TMEM65: variants seen among roughly 807,000 people sequenced by gnomAD.
TMEM65 encodes transmembrane protein 65.
Under a neutral mutation model 25.4 loss-of-function variants are expected in TMEM65, and 22 were observed. That is an observed-to-expected ratio of 0.86 (90% CI 0.62 to 1.23). The LOEUF (loss-of-function observed/expected upper bound fraction) is 1.23. Among genes scored for constraint, TMEM65 ranks in the 50% most tolerant of loss-of-function variants. The pLI is 0.00. For synonymous variants in TMEM65, 132 were observed against 126.2 expected (o/e 1.05, Z -0.31); for missense variants, 262 against 308.2 (o/e 0.85, Z 1.12).
rs1033854053 is a variant in TMEM65, at chr8:124,307,515, T to C, written c.*6445A>G. On this transcript the variant is annotated 3_prime_UTR_variant, in exon 7 of 7. Transcript: ENST00000297632. ...TCTATACCAGCAAACCTTACACTTT[T>C]TGTGATATACCTTTTTATCTCGTAT... 1 of 152,134 alleles carries C rather than the reference T, an allele frequency of 6.6e-6. No homozygotes were observed. The allele number at this position is 152,134 out of a possible 1,614,324, so 9.4% of individuals were successfully genotyped here.
chr8:124,312,227 C>A lies in TMEM65; in HGVS notation c.*1733G>T, dbSNP rs117221313. The stretch of plus-strand genomic sequence containing the variant: ...GTGGTTATTATATGGAAGATACAAA[C>A]CGAAATTCTATTTAAGATCTCAAGT... On this transcript the variant is annotated 3_prime_UTR_variant, in exon 7 of 7. Coordinates refer to ENST00000297632, the MANE Select transcript of TMEM65 (RefSeq NM_194291.3). The A allele has an allele frequency of 1.3e-5, 2 of 149,900 alleles. No homozygotes were observed. The highest frequency in any genetic ancestry group is 4.9e-5 in the African/African-American group (2 of 40,740). The allele number at this position is 149,900 out of a possible 1,614,324, so 9.3% of individuals were successfully genotyped here.
chr8:124,368,291 T>C (rs1814967579), intron 1 of TMEM65, among the ~76,000 whole-genome samples: 1 of 151,742 alleles, frequency 6.6e-6, no homozygotes, highest in Non-Finnish European at 1.5e-5. Context: ...AGAGGCTCCT[T>C]TTTTCAAAAC....
At chr8:124,366,326 T>C (rs990446611) in intron 1 of TMEM65, among the ~76,000 whole-genome samples, 6 of 152,228 alleles carry the variant, frequency 3.9e-5, no homozygotes, top group Admixed American at 6.5e-5. Context: ...CATGCTAACA[T>C]TGTCATGCTG....
Position 124,330,800 on chromosome 8 carries a change from G to A in TMEM65, c.305-8C>T. On this transcript the variant is annotated splice_polypyrimidine_tract_variant and splice_region_variant and intron_variant, in intron 1 of 6. Transcript: ENST00000297632. ...GTGGAGCTTCCAATTTTTCTAAAGG[G>A]GAGAAAAAGGATGTGGGGCAAGAAT... is the stretch of plus-strand genomic sequence containing the variant. The A allele has an allele frequency of 6.3e-7, 1 of 1,577,614 alleles. No individual in the cohort carries two copies. The highest frequency in any genetic ancestry group is 8.6e-7 in the Non-Finnish European group (1 of 1,166,200).
At chr8:124,360,196 C>T (rs1399322535) in intron 1 of TMEM65, among the ~76,000 whole-genome samples, 4 of 151,902 alleles carry the variant, frequency 2.6e-5, no homozygotes, top group Non-Finnish European at 4.4e-5. Flanking sequence ...TTTGGGAGGT[C>T]GAGGCAGGCA....
In TMEM65 at chr8:124,372,071, C is replaced by T. The variant is rs2131237180; in HGVS notation, c.87G>A (p.Pro29=). 1 of 1,147,646 alleles carries T rather than the reference C, an allele frequency of 8.7e-7. No individual in the cohort carries two copies. The highest frequency in any genetic ancestry group is 1.1e-6 in the Non-Finnish European group (1 of 936,002). 71.1% of individuals were successfully genotyped at this position (1,147,646 alleles called of 1,614,324 possible). The part of the protein sequence containing the change: ...GPAAAAAPRP[P]SWCCCGRGLL... ...GCCCCCGCCCGCAGCAGCACCAGGACGGCGGGCGGGGCGCGGCGGCGGCGG... is the reference window on the plus strand; with the variant it reads ...GCCCCCGCCCGCAGCAGCACCAGGATGGCGGGCGGGGCGCGGCGGCGGCGG... The change falls in exon 1 of 7, where the codon CCG becomes CCA. Residue 29 remains proline, a synonymous_variant. Coordinates refer to ENST00000297632, the MANE Select transcript of TMEM65 (RefSeq NM_194291.3).
intron 1 of TMEM65, among the ~76,000 whole-genome samples, chr8:124,368,078 T>C (rs899080874): frequency 6.6e-6 from 1 of 151,714 alleles, no homozygotes; most frequent in Non-Finnish European, 1.5e-5. Context: ...AACTCTCTGA[T>C]GAGCATTAAT....
At chr8:124,323,510 CATATA>C (rs1189873834) in intron 3 of TMEM65, 135 bp from the exon 4 acceptor site, 31 of 385,948 alleles carry the variant, frequency 8.0e-5, no homozygotes, top group Middle Eastern at 6.0e-4. Context: ...CATATATGCA[CATATA>C]ATATAGTAAT....
chr8:124,354,940 C>G (rs1814759925), intron 1 of TMEM65, among the ~76,000 whole-genome samples: 2 of 152,118 alleles, frequency 1.3e-5, no homozygotes, highest in Non-Finnish European at 2.9e-5. Flanking sequence ...TGAAACTCTT[C>G]TGTAAATTTA....
At chr8:124,322,920 T>C (rs1248273137) in intron 4 of TMEM65, among the ~76,000 whole-genome samples, 1 of 151,820 alleles carries the variant, frequency 6.6e-6, no homozygotes, top group East Asian at 1.9e-4. Flanking sequence ...CCCTTGAACC[T>C]GGAGGTGGAG....
chr8:124,322,188 AATAATT>A (rs1814310973), intron 4 of TMEM65, 41 bp from the exon 5 acceptor site: 1 of 1,437,460 alleles, frequency 7.0e-7, no homozygotes, highest in African/African-American at 1.4e-5. Flanking sequence ...ATAAAAGAAT[AATAATT>A]ATATCACTAT....
chr8:124,323,286 A>G (rs1340024052), intron 4 of TMEM65, 35 bp downstream of exon 4: 1 of 1,178,782 alleles, frequency 8.5e-7, no homozygotes, highest in Non-Finnish European at 1.2e-6. Context: ...TTATAAGTGT[A>G]CAATGAAATA....
chr8:124,370,622 A>G (rs886790678), intron 1 of TMEM65, among the ~76,000 whole-genome samples: 3 of 152,214 alleles, frequency 2.0e-5, no homozygotes, highest in Non-Finnish European at 2.9e-5. Context: ...TTGGTCCACA[A>G]TTTCCTGAAC....
chr8:124,331,954 C>G (rs1316599767), intron 1 of TMEM65, among the ~76,000 whole-genome samples: 2 of 152,032 alleles, frequency 1.3e-5, no homozygotes, highest in Non-Finnish European at 2.9e-5. Flanking sequence ...TCCATAATGG[C>G]TTTACAGTAA....
chr8:124,342,734 C>G (rs1305856132), intron 1 of TMEM65, among the ~76,000 whole-genome samples: 1 of 152,042 alleles, frequency 6.6e-6, no homozygotes, highest in African/African-American at 2.4e-5. Context: ...ATCCAAATTA[C>G]AGGGAAAAAT....
intron 1 of TMEM65, among the ~76,000 whole-genome samples, chr8:124,343,224 G>A (rs1447805660): frequency 1.3e-5 from 2 of 152,022 alleles, no homozygotes; most frequent in African/African-American, 2.4e-5. Flanking sequence ...ACCAATTGAT[G>A]GCAATCAGAT....
In TMEM65 at chr8:124,363,836, CAAAAAAAAAAAAAAAA is replaced by C. The variant is rs869161640; in HGVS notation, c.304+8002_304+8017del. Reference sequence around the variant, plus strand: ...AGGGCGACAGAGCGAGACTCCGTCTCAAAAAAAAAAAAAAAAAAAAAAAAAAAAAAACAAGAAGTAT... The same window carrying C: ...AGGGCGACAGAGCGAGACTCCGTCTCAAAAAAAAAAAAAAACAAGAAGTAT... On this transcript the variant is annotated intron_variant, in intron 1 of 6. Coordinates refer to ENST00000297632, the MANE Select transcript of TMEM65 (RefSeq NM_194291.3). 1.4e-4 allele frequency among the ~76,000 whole-genome samples: 8 copies of C among 55,716 alleles called. 1 individual carries two copies. In the East Asian group the frequency reaches 3.3e-3, roughly 23 times the overall value. The allele number at this position is 55,716 out of a possible 152,430, so 36.6% of individuals were successfully genotyped here.
chr8:124,332,515 T>C (rs967157513), intron 1 of TMEM65, among the ~76,000 whole-genome samples: 2 of 152,158 alleles, frequency 1.3e-5, no homozygotes, highest in Non-Finnish European at 1.5e-5. Flanking sequence ...AAAAAACGTG[T>C]AGTAATAAAG....
chr8:124,351,344 AT>A (rs1410315748), intron 1 of TMEM65, among the ~76,000 whole-genome samples: 1 of 152,050 alleles, frequency 6.6e-6, no homozygotes, highest in Non-Finnish European at 1.5e-5. Flanking sequence ...GACCTTTCAA[AT>A]TTTTTTGTCA....
Sources: allele counts gnomAD v4.1 joint callset (sites outside exome capture counted in the v4.1 genomes callset), GRCh38; gene constraint gnomAD v4.1.1; transcripts MANE v1.5; gene names NCBI Gene and HGNC (gene_info 2026-07-23, HGNC 2026-07-21).